The following CRISPLD2 variants were observed in gnomAD, a reference collection of about 807,000 sequenced individuals.
CRISPLD2 encodes the protein cysteine rich secretory protein LCCL domain containing 2, also known as cysteine-rich secretory protein LCCL domain-containing 2.
A neutral mutation model predicts 71.1 loss-of-function variants in CRISPLD2; 47 were observed. That is an observed-to-expected ratio of 0.66 (90% CI 0.52 to 0.84). The LOEUF is 0.84. Among genes scored for constraint, CRISPLD2 ranks in the 40% least tolerant of loss-of-function variants. The probability of loss-of-function intolerance (pLI) is 0.00; values close to 1 mark genes in which losing one functional copy is unlikely to be tolerated. For synonymous variants in CRISPLD2, 317 were observed against 250.1 expected, an observed-to-expected ratio of 1.27 and a Z score of -2.52; for missense variants, 830 against 651.1, an observed-to-expected ratio of 1.27 and a Z score of -2.99.
intron 14 of CRISPLD2, among the ~76,000 whole-genome samples, chr16:84,902,381 G>T (rs2071762935): frequency 6.6e-6 from 1 of 151,804 alleles, no homozygotes; most frequent in East Asian, 2.0e-4. Flanking sequence ...AGGCCGAGGA[G>T]GGTGGATCGC....
At chr16:84,885,057 G>C (rs184443768) in intron 13 of CRISPLD2, among the ~76,000 whole-genome samples, 21 of 152,316 alleles carry the variant, frequency 1.4e-4, no homozygotes, top group African/African-American at 5.1e-4. Flanking sequence ...TCTTGTTGTT[G>C]TTGTTGGAAA....
At chr16:84,856,039 G>C (rs931841311) in intron 6 of CRISPLD2, among the ~76,000 whole-genome samples, 1 of 152,246 alleles carries the variant, frequency 6.6e-6, no homozygotes, top group Non-Finnish European at 1.5e-5. Flanking sequence ...TGGTCACGTG[G>C]TTATAGCTGG....
chr16:84,868,772 A>G, intron 7 of CRISPLD2, 79 bp from the exon 8 acceptor site: 1 of 1,130,356 alleles, frequency 8.8e-7, no homozygotes, highest in Non-Finnish European at 1.3e-6. Flanking sequence ...ATGTTCCAGA[A>G]TGTCCCTCAG....
In CRISPLD2 at chr16:84,896,682, T is replaced by C. The variant is rs73253450; in HGVS notation, c.1439+7319T>C. On this transcript the variant is annotated intron_variant, in intron 14 of 14. Transcript: ENST00000262424. Reference sequence around the variant, plus strand: ...AGGTGTATTCAGTGCATTTCCGATGTGGACTTCTGACTTCCGATGGGTTTA... The same window carrying C: ...AGGTGTATTCAGTGCATTTCCGATGCGGACTTCTGACTTCCGATGGGTTTA... Among the ~76,000 whole-genome samples, 588 of 152,304 alleles carry C rather than the reference T, an allele frequency of 3.9e-3. 3 individuals carry two copies. The highest frequency in any genetic ancestry group is 0.013 in the African/African-American group (552 of 41,566).
intron 5 of CRISPLD2, among the ~76,000 whole-genome samples, chr16:84,851,878 T>C (rs1271676992): frequency 1.3e-5 from 2 of 152,244 alleles, no homozygotes; most frequent in South Asian, 2.1e-4. Flanking sequence ...TGGTAAAATA[T>C]ACTCATCTGA....
chr16:84,866,823 G>C (rs532956944), intron 6 of CRISPLD2, 74 bp from the exon 7 acceptor site: 1 of 1,424,394 alleles, frequency 7.0e-7, no homozygotes, highest in Non-Finnish European at 9.8e-7. Flanking sequence ...TTTTCAAATT[G>C]CTTTTTTTTC....
intron 14 of CRISPLD2, 79 bp downstream of exon 14, chr16:84,889,442 A>G: frequency 7.0e-7 from 1 of 1,438,580 alleles, no homozygotes; most frequent in Non-Finnish European, 9.3e-7. Flanking sequence ...AGAGGCCCAG[A>G]GTCATTACCC....
At chr16:84,900,530 AC>A (rs1193755359) in intron 14 of CRISPLD2, among the ~76,000 whole-genome samples, 1 of 6,866 alleles carries the variant, frequency 1.5e-4, no homozygotes, top group East Asian at 0.062. Context: ...GCAAGACATC[AC>A]ACAGCGCTGG....
intron 12 of CRISPLD2, 109 bp from the exon 13 acceptor site, chr16:84,880,400 T>C: frequency 1.3e-6 from 1 of 792,308 alleles, no homozygotes; most frequent in Non-Finnish European, 2.0e-6. Context: ...GTATGGCGGT[T>C]TCCTTTCATC....
At chr16:84,880,643 C>T in intron 13 of CRISPLD2, 59 bp downstream of exon 13, 1 of 1,288,704 alleles carries the variant, frequency 7.8e-7, no homozygotes, top group Non-Finnish European at 1.1e-6. Context: ...CCTCAACATG[C>T]AAGCTCCAAG....
intron 1 of CRISPLD2, among the ~76,000 whole-genome samples, chr16:84,827,832 G>A (rs555357852): frequency 2.0e-5 from 3 of 152,114 alleles, no homozygotes; most frequent in African/African-American, 7.2e-5. Context: ...CTCCCAAAGT[G>A]CTGGGATTAC....
chr16:84,898,024 G>A (rs1470143679), intron 14 of CRISPLD2, among the ~76,000 whole-genome samples: 1 of 152,214 alleles, frequency 6.6e-6, no homozygotes, highest in African/African-American at 2.4e-5. Flanking sequence ...GGTTTCAGTG[G>A]CTGCACAGAT....
chr16:84,899,903 G>A (rs541781328), intron 14 of CRISPLD2, among the ~76,000 whole-genome samples: 2 of 152,276 alleles, frequency 1.3e-5, no homozygotes, highest in African/African-American at 4.8e-5. Context: ...TTTCCCCAAC[G>A]TGGCTTGCCC....
chr16:84,848,281 C>T (rs911409641), intron 3 of CRISPLD2, among the ~76,000 whole-genome samples: 1 of 152,194 alleles, frequency 6.6e-6, no homozygotes, highest in South Asian at 2.1e-4. Context: ...CGCTGCCGTG[C>T]GCTCCGCTTC....
chr16:84,886,598 G>A (rs2071615245), intron 13 of CRISPLD2, among the ~76,000 whole-genome samples: 1 of 152,210 alleles, frequency 6.6e-6, no homozygotes, highest in East Asian at 1.9e-4. Flanking sequence ...CAAGGTGGGA[G>A]GATCGTTTGA....
At chr16:84,879,312 C>A (rs1281208949) in intron 12 of CRISPLD2, among the ~76,000 whole-genome samples, 5 of 151,406 alleles carry the variant, frequency 3.3e-5, no homozygotes, top group Admixed American at 2.6e-4. Context: ...ATCTGCCATT[C>A]CAAAAGAAGT....
At chr16:84,840,953 C>G (rs1266490486) in intron 2 of CRISPLD2, among the ~76,000 whole-genome samples, 1 of 152,138 alleles carries the variant, frequency 6.6e-6, no homozygotes, top group African/African-American at 2.4e-5. Flanking sequence ...TCCCGTGTGC[C>G]CAGCACCCCG....
At chr16:84,826,988 T>C (rs922481990) in intron 1 of CRISPLD2, among the ~76,000 whole-genome samples, 1 of 152,100 alleles carries the variant, frequency 6.6e-6, no homozygotes, top group Non-Finnish European at 1.5e-5. Context: ...TTTTTTTTTT[T>C]ATAATTTCTT....
chr16:84,838,412 T>C lies in CRISPLD2; in HGVS notation c.-74-10T>C, dbSNP rs990260946. Reference sequence around the variant, plus strand: ...TGCGACTTCTCCCACCACCCTCTGCTTCCTTTCAGAGCTCAAGCGCCCAGC... The same window carrying C: ...TGCGACTTCTCCCACCACCCTCTGCCTCCTTTCAGAGCTCAAGCGCCCAGC... On this transcript the variant is annotated splice_polypyrimidine_tract_variant and intron_variant, in intron 1 of 14. Transcript: ENST00000262424. 1 of 1,530,444 alleles carries C rather than the reference T, an allele frequency of 6.5e-7. No individual in the cohort carries two copies. Among genetic ancestry groups the C allele is most frequent in the Non-Finnish European group, 8.8e-7 (1 of 1,133,732 alleles). 94.8% of individuals were successfully genotyped at this position (1,530,444 alleles called of 1,614,324 possible).
Sources: allele counts gnomAD v4.1 joint callset (sites outside exome capture counted in the v4.1 genomes callset), GRCh38; gene constraint gnomAD v4.1.1; transcripts MANE v1.5; gene names NCBI Gene and HGNC (gene_info 2026-07-23, HGNC 2026-07-21).